The following MMP26 variants were observed in gnomAD, a reference collection of about 807,000 sequenced individuals.
MMP26 encodes the protein matrix metalloproteinase-26.
In MMP26, 33 loss-of-function variants were observed where a neutral mutation model predicts 31.0. The observed-to-expected ratio is 1.06, with a 90% CI of 0.81 to 1.42. The LOEUF (loss-of-function observed/expected upper bound fraction) is 1.42, where lower values mean the gene tolerates loss of function less well. Ranked by LOEUF, MMP26 falls within the 40% of genes most tolerant of loss-of-function variation. The pLI is 0.00. For missense variants in MMP26, 347 were observed against 316.1 expected, an observed-to-expected ratio of 1.10 and a Z score of -0.74; for synonymous variants, 122 against 114.9, an observed-to-expected ratio of 1.06 and a Z score of -0.40.
At chr11:4,737,344 T>G (rs114404791) in intron 1 of MMP26, among the ~76,000 whole-genome samples, 3,589 of 152,260 alleles carry the variant, frequency 0.024, 142 homozygotes, top group African/African-American at 0.082. Flanking sequence ...GCACCTCTTT[T>G]TTTCAAAACC....
chr11:4,837,588 AATC>A (rs144197491), intron 2 of MMP26, among the ~76,000 whole-genome samples: 4,174 of 152,318 alleles, frequency 0.027, 85 homozygotes, highest in Non-Finnish European at 0.039. Flanking sequence ...AAACAAAAAT[AATC>A]AATAATATGT....
In MMP26 at chr11:4,989,933, G is replaced by T. The variant is rs972275673; in HGVS notation, c.320+65G>T. 5.2e-6 allele frequency: 7 copies of T among 1,333,426 alleles called. No individual in the cohort carries two copies. The African/African-American group carries it at 1.0e-4, about 19-fold the overall frequency. 82.6% of individuals were successfully genotyped at this position (1,333,426 alleles called of 1,614,324 possible). A position where few individuals can be genotyped will look rare whatever the true frequency, so the allele number is the denominator to read the frequency against. ...ATGACCTCAAAGGGCTTTCTACCAG[G>T]TCTCTCCTGGAGGTACCTCTACTCT... On this transcript the variant is annotated intron_variant, in intron 4 of 7. Transcript: ENST00000380390.
chr11:4,803,416 A>T (rs1287272993), intron 2 of MMP26: 1 of 1,509,930 alleles, frequency 6.6e-7, no homozygotes, highest in Non-Finnish European at 9.1e-7. Flanking sequence ...AGTGATGGGG[A>T]TACACTGACC....
At chr11:4,986,966 T>TCC (rs1846909541) in intron 2 of MMP26, among the ~76,000 whole-genome samples, 3 of 141,988 alleles carry the variant, frequency 2.1e-5, no homozygotes, top group Non-Finnish European at 4.6e-5. Context: ...TCTCCCTCTC[T>TCC]CTCTCTCTCT....
intron 2 of MMP26, among the ~76,000 whole-genome samples, chr11:4,842,793 AG>A (rs1341447171): frequency 6.6e-6 from 1 of 152,144 alleles, no homozygotes; most frequent in Non-Finnish European, 1.5e-5. Context: ...CAAATCTCCA[AG>A]TCCAAAGTCT....
intron 2 of MMP26, among the ~76,000 whole-genome samples, chr11:4,925,190 C>T (rs1039083878): frequency 1.3e-5 from 2 of 152,018 alleles, no homozygotes; most frequent in Admixed American, 6.6e-5. Flanking sequence ...GGTAAAGTGA[C>T]CTGGGTAGGT....
chr11:4,763,996 A>T (rs1234263589), intron 1 of MMP26, among the ~76,000 whole-genome samples: 1 of 152,220 alleles, frequency 6.6e-6, no homozygotes, highest in African/African-American at 2.4e-5. Context: ...AAGCATGTAA[A>T]TTACACAGAA....
chr11:4,753,767 A>G (rs1848475262), intron 1 of MMP26, among the ~76,000 whole-genome samples: 1 of 152,114 alleles, frequency 6.6e-6, no homozygotes, highest in Non-Finnish European at 1.5e-5. Context: ...GGTAAAGCCC[A>G]TTCATCTTGC....
chr11:4,989,734 T>A lies in MMP26; in HGVS notation c.186T>A (p.His62Gln). Residue 62 changes from histidine to glutamine, a missense_variant, in exon 4 of 8, where the codon CAT (histidine) becomes CAA (glutamine). By Grantham distance (24) the His-to-Gln change is conservative. Transcript: ENST00000380390. The part of the protein sequence containing the change: ...ETQTQLLQQF[H>Q]RNGTDLLDMQ... ...AAACACAGCTCCTGCAACAATTCCA[T>A]CGGAATGGGACAGACCTACTTGACA... 6.2e-7 allele frequency: 1 copy of A among 1,613,964 alleles called. No homozygotes were observed. Among genetic ancestry groups the A allele is most frequent in the Non-Finnish European group, 8.5e-7 (1 of 1,179,998 alleles).
At chr11:4,801,387 G>C (rs1849178927) in intron 2 of MMP26, among the ~76,000 whole-genome samples, 1 of 151,982 alleles carries the variant, frequency 6.6e-6, no homozygotes, top group African/African-American at 2.4e-5. Context: ...GTGCCAGCTT[G>C]TTTTTGGTGA....
At chr11:4,855,406 C>T (rs922188581) in intron 2 of MMP26, among the ~76,000 whole-genome samples, 5 of 151,984 alleles carry the variant, frequency 3.3e-5, no homozygotes, top group East Asian at 1.9e-4. Context: ...AACCATGGCA[C>T]GAGAACTACG....
At chr11:4,927,609 TG>T in intron 2 of MMP26, among the ~76,000 whole-genome samples, 1 of 152,126 alleles carries the variant, frequency 6.6e-6, no homozygotes, top group Non-Finnish European at 1.5e-5. Flanking sequence ...GTTTTCTATG[TG>T]CTTCTGCTTG....
At chr11:4,902,305 T>G (rs192961940) in intron 2 of MMP26, among the ~76,000 whole-genome samples, 7 of 147,616 alleles carry the variant, frequency 4.7e-5, no homozygotes, top group African/African-American at 1.9e-4. Flanking sequence ...TGAATCCAAC[T>G]CTAGAATTTC....
At chr11:4,847,265 A>T (rs1849884949) in intron 2 of MMP26, among the ~76,000 whole-genome samples, 1 of 152,218 alleles carries the variant, frequency 6.6e-6, no homozygotes, top group Non-Finnish European at 1.5e-5. Flanking sequence ...GTCCCTCCTG[A>T]TGTGGATGTG....
intron 2 of MMP26, among the ~76,000 whole-genome samples, chr11:4,779,133 G>T (rs78762847): frequency 0.095 from 14,353 of 151,824 alleles, 841 homozygotes; most frequent in Middle Eastern, 0.15. Flanking sequence ...TTAAGGTCTC[G>T]GATACAAAGT....
At chr11:4,790,428 G>T (rs1172868814) in intron 2 of MMP26, among the ~76,000 whole-genome samples, 1 of 152,152 alleles carries the variant, frequency 6.6e-6, no homozygotes, top group Non-Finnish European at 1.5e-5. Flanking sequence ...TATTTATGAT[G>T]TTGCTGGAGT....
At chr11:4,943,167 G>A (rs934362513) in intron 2 of MMP26, 4 of 190,094 alleles carry the variant, frequency 2.1e-5, no homozygotes, top group South Asian at 9.9e-5. Context: ...AATGACCAAT[G>A]TCCAATAGAA....
chr11:4,953,120 T>C lies in MMP26; in HGVS notation c.-144-34948T>C, dbSNP rs571445038. On this transcript the variant is annotated intron_variant, in intron 2 of 7. Coordinates refer to ENST00000380390, the MANE Select transcript of MMP26 (RefSeq NM_021801.5). ...AAATCTAAAGCAATAAATTTCTCTT[T>C]GTACCATATCTTTTTTCCTGTTTTA... Among the ~76,000 whole-genome samples, 5 of 126,028 alleles carry C rather than the reference T, an allele frequency of 4.0e-5. 2 individuals are homozygous for C. The South Asian group carries it at 7.1e-4, about 18-fold the overall frequency. The allele number at this position is 126,028 out of a possible 152,430, so 82.7% of individuals were successfully genotyped here. A position where few individuals can be genotyped will look rare whatever the true frequency, so the allele number is the denominator to read the frequency against.
At chr11:4,815,984 T>C (rs1849414792) in intron 2 of MMP26, among the ~76,000 whole-genome samples, 1 of 152,252 alleles carries the variant, frequency 6.6e-6, no homozygotes, top group Non-Finnish European at 1.5e-5. Context: ...TTGAGATCTT[T>C]CTACTCTTTT....
Sources: allele counts gnomAD v4.1 joint callset (sites outside exome capture counted in the v4.1 genomes callset), GRCh38; gene constraint gnomAD v4.1.1; transcripts MANE v1.5; gene names NCBI Gene and HGNC (gene_info 2026-07-23, HGNC 2026-07-21).